Variants in RBFOX1 observed in about 807,000 individuals in gnomAD.
The protein encoded by RBFOX1 is RNA binding protein fox-1 homolog 1.
RBFOX1 carries 8 observed loss-of-function variants against 57.7 expected under a neutral mutation model. That is an observed-to-expected ratio of 0.14 (90% confidence interval 0.08 to 0.25). RBFOX1 has a LOEUF of 0.25. Ranked by LOEUF, RBFOX1 falls within the 10% of genes least tolerant of loss-of-function variation. RBFOX1 has a pLI of 1.00. For missense variants in RBFOX1, 611 were observed against 548.5 expected, an observed-to-expected ratio of 1.11 and a Z score of -1.14; for synonymous variants, 326 against 222.4, an observed-to-expected ratio of 1.47 and a Z score of -4.15.
chr16:5,410,985 G>A (rs375391279), intron 1 of RBFOX1, among the ~76,000 whole-genome samples: 82 of 152,312 alleles, frequency 5.4e-4, no homozygotes, highest in African/African-American at 1.8e-3. Context: ...AAGATTAGGC[G>A]GGCCAACACA....
At chr16:6,607,112 C>A (rs561906903) in intron 2 of RBFOX1, among the ~76,000 whole-genome samples, 24 of 152,254 alleles carry the variant, frequency 1.6e-4, no homozygotes, top group African/African-American at 5.8e-4. Flanking sequence ...GACTAATAGT[C>A]CCTGAGAGTG....
chr16:6,531,152 C>A (rs781433974), intron 2 of RBFOX1, among the ~76,000 whole-genome samples: 11 of 152,178 alleles, frequency 7.2e-5, no homozygotes, highest in Non-Finnish European at 1.3e-4. Flanking sequence ...CAGGTTGTTT[C>A]CCTGCTTCCC....
intron 1 of RBFOX1, among the ~76,000 whole-genome samples, chr16:5,343,212 G>T (rs1170222914): frequency 2.0e-5 from 3 of 151,170 alleles, no homozygotes; most frequent in Non-Finnish European, 4.4e-5. Context: ...TGACATTGTT[G>T]CTTGATCAAA....
chr16:7,561,076 A>G (rs953277626), intron 5 of RBFOX1, among the ~76,000 whole-genome samples: 27 of 152,126 alleles, frequency 1.8e-4, no homozygotes, highest in African/African-American at 6.5e-4. Flanking sequence ...TATGTAGCAA[A>G]TGTTCTTTAT....
At chr16:5,890,095 G>A (rs1263891657) in intron 4 of RBFOX1, among the ~76,000 whole-genome samples, 1 of 152,150 alleles carries the variant, frequency 6.6e-6, no homozygotes, top group Non-Finnish European at 1.5e-5. Context: ...CAGATCTTGG[G>A]TAAACTGTAC....
At chr16:6,994,756 T>C (rs910380207) in intron 3 of RBFOX1, among the ~76,000 whole-genome samples, 1 of 152,226 alleles carries the variant, frequency 6.6e-6, no homozygotes, top group African/African-American at 2.4e-5. Flanking sequence ...TGTGTTATTA[T>C]GTTATGCTTG....
intron 3 of RBFOX1, among the ~76,000 whole-genome samples, chr16:6,905,810 C>G (rs1025831484): frequency 2.6e-5 from 4 of 152,218 alleles, no homozygotes; most frequent in Non-Finnish European, 5.9e-5. Context: ...AGGAAACCTG[C>G]TGCCTTGGCA....
rs2065338235 is a variant in RBFOX1, at chr16:5,354,441, C to T, written c.220-112775C>T. On this transcript the variant is annotated intron_variant, in intron 1 of 2. Coordinates refer to the RBFOX1 transcript ENST00000585867. ...CCTTAGGCAAGTCACTTGATCTTGCCAAGCCCCGGTTTTCTTGTGTGTAAT... is the reference window on the plus strand; with the variant it reads ...CCTTAGGCAAGTCACTTGATCTTGCTAAGCCCCGGTTTTCTTGTGTGTAAT... 2.0e-5 allele frequency among the ~76,000 whole-genome samples: 3 copies of T among 152,168 alleles called. No individual in the cohort carries two copies. In the South Asian group the frequency reaches 6.2e-4, roughly 32 times the overall value.
chr16:5,978,074 C>T lies in RBFOX1; in HGVS notation c.351+110739C>T, dbSNP rs914811523. 4.8e-5 allele frequency among the ~76,000 whole-genome samples: 6 copies of T among 124,458 alleles called. No individual in the cohort carries two copies. In the South Asian group the frequency reaches 1.1e-3, roughly 22 times the overall value. 81.6% of individuals were successfully genotyped at this position (124,458 alleles called of 152,430 possible). A position where few individuals can be genotyped will look rare whatever the true frequency, so the allele number is the denominator to read the frequency against. The stretch of plus-strand genomic sequence containing the variant: ...CTTTCCAAAGTGGAAGGATCACTTG[C>T]AGGGCAGGAGTTTAAGACCAGGCTG... On this transcript the variant is annotated intron_variant, in intron 4 of 19. Transcript: ENST00000641259.
intron 2 of RBFOX1, among the ~76,000 whole-genome samples, chr16:6,429,071 T>A (rs1317119406): frequency 6.6e-6 from 1 of 152,182 alleles, no homozygotes; most frequent in African/African-American, 2.4e-5. Flanking sequence ...TCCCACTGAT[T>A]AGGCAGGCAT....
chr16:6,793,026 C>CT (rs1274955488), intron 3 of RBFOX1, among the ~76,000 whole-genome samples: 1 of 120,602 alleles, frequency 8.3e-6, no homozygotes, highest in Non-Finnish European at 1.8e-5. Flanking sequence ...GAGACTCCAT[C>CT]TGAAAAAAAA....
chr16:6,237,398 G>A (rs1057044335), intron 1 of RBFOX1, among the ~76,000 whole-genome samples: 1 of 152,174 alleles, frequency 6.6e-6, no homozygotes, highest in African/African-American at 2.4e-5. Flanking sequence ...GGCTATTATA[G>A]TGGGGTTCAG....
chr16:6,226,386 A>AAAAC (rs1555563448), intron 1 of RBFOX1, among the ~76,000 whole-genome samples: 7 of 150,924 alleles, frequency 4.6e-5, no homozygotes, highest in Non-Finnish European at 1.0e-4. Context: ...AAAAAAAAAA[A>AAAAC]AAAAACAAAA....
intron 2 of RBFOX1, among the ~76,000 whole-genome samples, chr16:6,418,491 T>G (rs1025011575): frequency 6.6e-6 from 1 of 151,734 alleles, no homozygotes; most frequent in African/African-American, 2.4e-5. Context: ...CATCTACAAT[T>G]TTGGACAGAT....
chr16:6,266,498 G>C (rs1023784235), intron 1 of RBFOX1, among the ~76,000 whole-genome samples: 6 of 152,132 alleles, frequency 3.9e-5, no homozygotes, highest in African/African-American at 1.4e-4. Flanking sequence ...CAGATCACTT[G>C]AGGTCAGGAG....
intron 14 of RBFOX1, among the ~76,000 whole-genome samples, chr16:7,696,155 A>G (rs2078735820): frequency 6.6e-6 from 1 of 152,150 alleles, no homozygotes; most frequent in Non-Finnish European, 1.5e-5. Flanking sequence ...TGTGAGACTA[A>G]TTTACAAGGA....
intron 1 of RBFOX1, among the ~76,000 whole-genome samples, chr16:5,317,992 T>G (rs985628152): frequency 6.6e-6 from 1 of 152,188 alleles, no homozygotes; most frequent in African/African-American, 2.4e-5. Flanking sequence ...ATGCTGCTGC[T>G]GAAGAGGCAG....
intron 10 of RBFOX1, among the ~76,000 whole-genome samples, chr16:7,623,868 T>G (rs1199317258): frequency 1.3e-5 from 2 of 152,194 alleles, no homozygotes; most frequent in Non-Finnish European, 2.9e-5. Context: ...TTGTAAGATC[T>G]GTCAGATTAA....
intron 3 of RBFOX1, among the ~76,000 whole-genome samples, chr16:6,906,975 C>T (rs1043071735): frequency 2.0e-5 from 3 of 152,098 alleles, no homozygotes; most frequent in Non-Finnish European, 2.9e-5. Context: ...CAGCCCACCT[C>T]AGCTTCCCAA....
Sources: gnomAD v4.1 joint callset for allele counts (sites outside exome capture counted in the v4.1 genomes callset) on GRCh38, gnomAD v4.1.1 for gene constraint, MANE v1.5 for transcripts, NCBI Gene and HGNC (gene_info 2026-07-23, HGNC 2026-07-21) for gene names.